CUBN: variants seen among roughly 807,000 people sequenced by gnomAD.
CUBN encodes the protein 460 kDa receptor.
In CUBN, 282 loss-of-function variants were observed where a neutral mutation model predicts 405.3. The ratio of observed to expected loss-of-function variants is 0.70; its 90% confidence interval spans 0.63 to 0.77. The LOEUF is 0.77. CUBN is among the 30% of genes least tolerant of loss of function. The probability of loss-of-function intolerance (pLI) is 0.00; values close to 1 mark genes in which losing one functional copy is unlikely to be tolerated. For missense variants in CUBN, 4,514 were observed against 4,475.2 expected (o/e 1.01, Z -0.25); for synonymous variants, 1,684 against 1,617.0 (o/e 1.04, Z -0.99).
chr10:17,108,285 C>T (rs1008425696), intron 10 of CUBN, among the ~76,000 whole-genome samples: 3 of 152,088 alleles, frequency 2.0e-5, no homozygotes, highest in East Asian at 3.9e-4. Context: ...TCTGGTGGAG[C>T]CCAGGGAAAA....
rs758726713 is a variant in CUBN, at chr10:16,990,415, C to T, written c.4269G>A (p.Thr1423=). 26 of 1,614,120 alleles carry T rather than the reference C, an allele frequency of 1.6e-5. No individual in the cohort carries two copies. In the East Asian group the frequency reaches 3.3e-4, roughly 21 times the overall value. Residue 1423 remains threonine (T), a synonymous_variant, in exon 29 of 67, where the codon ACG becomes ACA. Transcript: ENST00000377833. ...TGAGCTGAATGCTACTCCCGGGGTC[C>T]GTCCTAATGTACCAGATACACTCCT... ...PNKECIWYIR[T]DPGSSIQLTI... is the part of the protein sequence containing the mutation.
At chr10:16,919,185 C>A (rs1364466818) in intron 44 of CUBN, among the ~76,000 whole-genome samples, 1 of 152,186 alleles carries the variant, frequency 6.6e-6, no homozygotes, top group East Asian at 1.9e-4. Context: ...TCTCTAACAG[C>A]TCTGTAATTG....
chr10:17,087,466 C>CTTTTTTTTTT (rs879308596), intron 15 of CUBN, among the ~76,000 whole-genome samples: 796 of 79,596 alleles, frequency 0.01, 160 homozygotes, highest in Middle Eastern at 0.015. Context: ...TATTATTTTT[C>CTTTTTTTTTT]TTTTTCTTTT....
At chr10:16,966,479 C>T (rs901115663) in intron 31 of CUBN, among the ~76,000 whole-genome samples, 9 of 151,382 alleles carry the variant, frequency 5.9e-5, no homozygotes, top group Admixed American at 4.0e-4. Flanking sequence ...GACAGAGTCT[C>T]GCTCTGTCGC....
In CUBN at chr10:16,919,984, A is replaced by G. The variant is rs540088668; in HGVS notation, c.6800T>C (p.Phe2267Ser). Residue 2267 changes from phenylalanine to serine, a missense_variant, in exon 44 of 67, where the codon TTC becomes TCC. Physicochemically the swap from Phe to Ser is radical, Grantham distance 155 (BLOSUM62 -2). Transcript: ENST00000377833. ...ATACTTGGGTGTTACTTCAATATCGAATCGATCTTCAAATTGCAGCTGTAT... is the reference window on the plus strand; with the variant it reads ...ATACTTGGGTGTTACTTCAATATCGGATCGATCTTCAAATTGCAGCTGTAT... ...TRIQLQFEDR[F>S]DIEVTPNCTS... 6.2e-7 allele frequency: 1 copy of G among 1,613,516 alleles called. No homozygotes were observed. The highest frequency in any genetic ancestry group is 1.1e-5 in the South Asian group (1 of 91,066).
At chr10:17,117,499 C>T (rs1836931608) in intron 6 of CUBN, among the ~76,000 whole-genome samples, 1 of 152,162 alleles carries the variant, frequency 6.6e-6, no homozygotes, top group African/African-American at 2.4e-5. Context: ...TTCAGCCTCC[C>T]GAGTAGCTGG....
intron 29 of CUBN, among the ~76,000 whole-genome samples, chr10:16,989,391 T>C (rs1358894296): frequency 2.0e-5 from 3 of 148,332 alleles, no homozygotes; most frequent in African/African-American, 4.9e-5. Context: ...TTAATTATTA[T>C]AATTTATAGT....
chr10:17,015,297 T>G (rs747329943), intron 28 of CUBN, among the ~76,000 whole-genome samples: 5 of 152,184 alleles, frequency 3.3e-5, no homozygotes, highest in African/African-American at 1.2e-4. Flanking sequence ...CCAGGGTTGA[T>G]TCCCTCCTCA....
chr10:16,873,604 C>G (rs1212755970), intron 58 of CUBN, among the ~76,000 whole-genome samples: 2 of 151,690 alleles, frequency 1.3e-5, no homozygotes, highest in African/African-American at 4.8e-5. Flanking sequence ...TGCCTGTAAT[C>G]CCAGCTACTC....
intron 13 of CUBN, among the ~76,000 whole-genome samples, chr10:17,102,595 C>CTTT (rs11357524): frequency 9.5e-5 from 6 of 63,118 alleles, no homozygotes; most frequent in Non-Finnish European, 1.8e-4. Flanking sequence ...CCTTGTTACT[C>CTTT]TTTTTTTTTT....
chr10:16,896,145 T>A (rs1015218773), intron 54 of CUBN, among the ~76,000 whole-genome samples: 8 of 152,176 alleles, frequency 5.3e-5, no homozygotes, highest in Admixed American at 2.0e-4. Context: ...CTTTTCCATA[T>A]CATTATACTG....
At chr10:16,936,001 A>G (rs532188170) in intron 39 of CUBN, among the ~76,000 whole-genome samples, 1 of 152,106 alleles carries the variant, frequency 6.6e-6, no homozygotes, top group African/African-American at 2.4e-5. Flanking sequence ...ACAGTGTGGT[A>G]TCATTACAGG....
chr10:16,824,537 T>C lies in CUBN; in HGVS notation c.*438A>G, dbSNP rs1838717785. ...CTGGTTTTTTTTGTTTCTTTTTTTT[T>C]TGAGATGGAGTCTTGCCGTCTCGCC... On this transcript the variant is annotated 3_prime_UTR_variant, in exon 67 of 67. Transcript: ENST00000377833. 6.1e-6 allele frequency: 1 copy of C among 164,888 alleles called. No individual in the cohort carries two copies. Among genetic ancestry groups the C allele is most frequent in the East Asian group, 1.6e-4 (1 of 6,198 alleles). 10.2% of individuals were successfully genotyped at this position (164,888 alleles called of 1,614,324 possible). A position where few individuals can be genotyped will look rare whatever the true frequency, so the allele number is the denominator to read the frequency against.
chr10:16,862,021 C>T (rs969083201), intron 59 of CUBN, among the ~76,000 whole-genome samples: 5 of 152,006 alleles, frequency 3.3e-5, no homozygotes, highest in African/African-American at 4.8e-5. Flanking sequence ...TGGTTGCATG[C>T]GCGGGTAATC....
Position 17,103,129 on chromosome 10 carries a change from C to G in CUBN, c.1526G>C (p.Gly509Ala). 1 of 1,596,348 alleles carries G rather than the reference C, an allele frequency of 6.3e-7. No homozygotes were observed. Among genetic ancestry groups the G allele is most frequent in the Non-Finnish European group, 8.6e-7 (1 of 1,163,932 alleles). Residue 509 changes from glycine to alanine, a missense_variant, in exon 13 of 67, where the codon GGA (glycine) becomes GCA (alanine). By Grantham distance (60) the Gly-to-Ala change is moderately conservative. This residue lies in a region of CUBN where 1,448 missense variants were observed against 1,388.0 expected (regional missense o/e 1.04). Transcript: ENST00000377833. ...NCFWVIKTEM[G>A]KVLRITFTFF... ...GGCAAGAGTTACTACATTTACCTTT[C>G]CCATTTCAGTTTTGATAACCCAGAA...
intron 16 of CUBN, among the ~76,000 whole-genome samples, chr10:17,085,243 C>T (rs1267291644): frequency 6.6e-6 from 1 of 152,052 alleles, no homozygotes; most frequent in East Asian, 1.9e-4. Context: ...GGACTTGACC[C>T]GAGGATAAAA....
chr10:17,046,595 T>C lies in CUBN; in HGVS notation c.3330-501A>G, dbSNP rs146888130. 6.2e-3 allele frequency among the ~76,000 whole-genome samples: 949 copies of C among 152,284 alleles called. 9 individuals carry two copies. The highest frequency in any genetic ancestry group is 0.022 in the African/African-American group (900 of 41,568). On this transcript the variant is annotated intron_variant, in intron 23 of 66. Transcript: ENST00000377833. ...GGGGCCTTAATTCTAGTTTATAATCTGTAGCTTTTTGAAACAAACAACAAA... is the reference window on the plus strand; with the variant it reads ...GGGGCCTTAATTCTAGTTTATAATCCGTAGCTTTTTGAAACAAACAACAAA...
intron 27 of CUBN, 129 bp from the exon 28 acceptor site, chr10:17,020,112 G>T: frequency 1.1e-6 from 1 of 914,146 alleles, no homozygotes; most frequent in Non-Finnish European, 1.8e-6. Flanking sequence ...GAGGTGGGTT[G>T]AGTACACAGA....
At chr10:17,055,670 T>C (rs1332288963) in intron 22 of CUBN, among the ~76,000 whole-genome samples, 1 of 152,090 alleles carries the variant, frequency 6.6e-6, no homozygotes, top group Non-Finnish European at 1.5e-5. Context: ...ATATGGCATG[T>C]CATTTTATAA....
Sources: gnomAD v4.1 joint callset for allele counts (sites outside exome capture counted in the v4.1 genomes callset) on GRCh38, gnomAD v4.1.1 for gene constraint, gnomAD v4.1.1 regional missense constraint, MANE v1.5 for transcripts, NCBI Gene and HGNC (gene_info 2026-07-23, HGNC 2026-07-21) for gene names.